SLC12A8: variants seen among roughly 807,000 people sequenced by gnomAD.
SLC12A8 encodes cation-chloride cotransporter 9.
SLC12A8 carries 69 observed loss-of-function variants against 75.6 expected under a neutral mutation model. That is an observed-to-expected ratio of 0.91 (90% CI 0.75 to 1.11). The LOEUF (loss-of-function observed/expected upper bound fraction) is 1.11. Among genes scored for constraint, SLC12A8 ranks in the 50% most tolerant of loss-of-function variants. The pLI, the probability that SLC12A8 is intolerant of heterozygous loss-of-function variation, is 0.00. For missense variants in SLC12A8, 877 were observed against 896.7 expected, an observed-to-expected ratio of 0.98 and a Z score of 0.28; for synonymous variants, 365 against 372.8, an observed-to-expected ratio of 0.98 and a Z score of 0.24.
intron 3 of SLC12A8, among the ~76,000 whole-genome samples, chr3:125,190,165 G>T (rs113827289): frequency 0.023 from 3,486 of 152,290 alleles, 150 homozygotes; most frequent in African/African-American, 0.08. Flanking sequence ...AATCTATGGT[G>T]TGAGGTTTCC....
intron 10 of SLC12A8, among the ~76,000 whole-genome samples, chr3:125,099,369 A>G (rs1213696009): frequency 6.6e-6 from 1 of 152,214 alleles, no homozygotes; most frequent in African/African-American, 2.4e-5. Flanking sequence ...AGTTGCTACA[A>G]TACATTATTT....
chr3:125,181,803 T>G (rs1374963055), intron 4 of SLC12A8, among the ~76,000 whole-genome samples: 1 of 150,988 alleles, frequency 6.6e-6, no homozygotes, highest in Non-Finnish European at 1.5e-5. Context: ...ATTAAATAGA[T>G]AAGCCTCTGG....
At chr3:125,087,157 C>T (rs776072489) in intron 13 of SLC12A8, among the ~76,000 whole-genome samples, 5 of 149,228 alleles carry the variant, frequency 3.4e-5, no homozygotes, top group Admixed American at 1.3e-4. Context: ...TTCAGTGGCA[C>T]GATCCCGGCT....
Position 125,092,327 on chromosome 3 carries a change from C to T in SLC12A8, c.1706-129G>A, listed in dbSNP as rs139041834. 9.9e-5 allele frequency: 57 copies of T among 574,618 alleles called. No individual in the cohort carries two copies. The East Asian group carries it at 1.6e-3, about 16-fold the overall frequency. The allele number at this position is 574,618 out of a possible 1,614,324, so 35.6% of individuals were successfully genotyped here. ...CCTAAAAGACATCTCCCAGGGCTTG[C>T]TCTTGCAGAAGGAAGAAAGAAGTGT... On this transcript the variant is annotated intron_variant, in intron 10 of 13. Transcript: ENST00000469902.
chr3:125,195,697 C>T (rs1466383550), intron 2 of SLC12A8, among the ~76,000 whole-genome samples: 1 of 151,908 alleles, frequency 6.6e-6, no homozygotes, highest in Admixed American at 6.6e-5. Flanking sequence ...CGCAGAGTGG[C>T]AAGACCATCA....
intron 2 of SLC12A8, among the ~76,000 whole-genome samples, chr3:125,192,930 G>A (rs1934934983): frequency 6.6e-6 from 1 of 152,296 alleles, no homozygotes. Context: ...CCCAGCAAGA[G>A]ACAGAGAAAG....
At chr3:125,114,376 C>G (rs1385700489) in intron 8 of SLC12A8, among the ~76,000 whole-genome samples, 1 of 152,154 alleles carries the variant, frequency 6.6e-6, no homozygotes, top group Non-Finnish European at 1.5e-5. Context: ...GAAACCATGA[C>G]TATTAAATCC....
intron 5 of SLC12A8, among the ~76,000 whole-genome samples, chr3:125,136,069 T>C (rs1020930293): frequency 2.0e-5 from 3 of 152,230 alleles, no homozygotes; most frequent in African/African-American, 7.2e-5. Context: ...TAGACTTTAA[T>C]ATAGCTGAAA....
intron 2 of SLC12A8, among the ~76,000 whole-genome samples, chr3:125,207,080 A>G (rs964938984): frequency 6.6e-6 from 1 of 152,162 alleles, no homozygotes; most frequent in Admixed American, 6.5e-5. Flanking sequence ...GGGACGCTGT[A>G]CAAGAAGACG....
At chr3:125,188,907 T>C (rs149711342) in intron 3 of SLC12A8, among the ~76,000 whole-genome samples, 1 of 152,324 alleles carries the variant, frequency 6.6e-6, no homozygotes, top group Admixed American at 6.5e-5. Context: ...GAAGGTCTGG[T>C]CTTGCCCAGA....
intron 5 of SLC12A8, among the ~76,000 whole-genome samples, chr3:125,146,035 G>T (rs1444028028): frequency 2.6e-5 from 4 of 152,138 alleles, no homozygotes; most frequent in South Asian, 2.1e-4. Context: ...TCACTTTGTT[G>T]CCCAGGCTGG....
In SLC12A8 at chr3:125,083,712, A is replaced by T. The variant is rs1410911070; in HGVS notation, c.*178T>A. ...ACTCCAGCCTGGGTGACAGGGCGAGACTCTGTCTCAAAAAAAAAAAAAAAG... is the reference window on the plus strand; with the variant it reads ...ACTCCAGCCTGGGTGACAGGGCGAGTCTCTGTCTCAAAAAAAAAAAAAAAG... On this transcript the variant is annotated 3_prime_UTR_variant, in exon 14 of 14. Transcript: ENST00000469902. 15 of 612,752 alleles carry T rather than the reference A, an allele frequency of 2.4e-5. No homozygotes were observed. Among genetic ancestry groups the T allele is most frequent in the Admixed American group, 3.3e-5 (1 of 30,524 alleles). 38.0% of individuals were successfully genotyped at this position (612,752 alleles called of 1,614,324 possible).
At chr3:125,103,407 C>G (rs1174728486) in intron 10 of SLC12A8, among the ~76,000 whole-genome samples, 1 of 146,734 alleles carries the variant, frequency 6.8e-6, no homozygotes, top group East Asian at 2.0e-4. Context: ...CCCCAATTAA[C>G]AAGCCCTGCT....
chr3:125,124,553 C>G (rs1240216594), intron 6 of SLC12A8, among the ~76,000 whole-genome samples: 2 of 152,174 alleles, frequency 1.3e-5, no homozygotes, highest in East Asian at 3.8e-4. Context: ...TCTCGAACTC[C>G]TAACATCAGG....
intron 5 of SLC12A8, among the ~76,000 whole-genome samples, chr3:125,149,144 C>G (rs1040556620): frequency 6.6e-6 from 1 of 152,202 alleles, no homozygotes; most frequent in Non-Finnish European, 1.5e-5. Flanking sequence ...GCCAGGGAGT[C>G]GGGCCAGCCC....
intron 5 of SLC12A8, among the ~76,000 whole-genome samples, chr3:125,141,178 GT>G (rs1933625788): frequency 6.8e-6 from 1 of 147,192 alleles, no homozygotes; most frequent in African/African-American, 2.5e-5. Flanking sequence ...GTGGGGTGGG[GT>G]GCGGGTAAGA....
intron 8 of SLC12A8, among the ~76,000 whole-genome samples, chr3:125,116,201 C>T (rs1036829230): frequency 6.6e-6 from 1 of 152,202 alleles, no homozygotes; most frequent in Non-Finnish European, 1.5e-5. Flanking sequence ...CCAGGTGCTG[C>T]TATTTTGAAG....
intron 10 of SLC12A8, among the ~76,000 whole-genome samples, chr3:125,099,195 G>A (rs182827116): frequency 2.0e-5 from 3 of 151,982 alleles, no homozygotes; most frequent in Non-Finnish European, 2.9e-5. Context: ...GCAGACACAG[G>A]GGGCAACTCC....
At chr3:125,211,187 T>C in intron 2 of SLC12A8, 112 bp downstream of exon 2, 3 of 869,742 alleles carry the variant, frequency 3.4e-6, no homozygotes, top group Non-Finnish European at 5.8e-6. Context: ...AAATAGACTT[T>C]GGAGTTAATT....
Sources: allele counts gnomAD v4.1 joint callset (sites outside exome capture counted in the v4.1 genomes callset), GRCh38; gene constraint gnomAD v4.1.1; transcripts MANE v1.5; gene names NCBI Gene and HGNC (gene_info 2026-07-23, HGNC 2026-07-21).